Variants in IPP observed in about 807,000 individuals in gnomAD.
IPP encodes actin-binding protein IPP.
IPP carries 41 observed loss-of-function variants against 64.1 expected under a neutral mutation model. The observed-to-expected ratio is 0.64, with a 90% CI of 0.50 to 0.83. The LOEUF (loss-of-function observed/expected upper bound fraction) is 0.83. IPP is among the 40% of genes least tolerant of loss of function. The pLI, the probability that IPP is intolerant of heterozygous loss-of-function variation, is 0.00. For synonymous variants in IPP, 214 were observed against 235.2 expected, an observed-to-expected ratio of 0.91 and a Z score of 0.83; for missense variants, 649 against 703.0, an observed-to-expected ratio of 0.92 and a Z score of 0.87.
chr1:45,727,830 A>G, intron 4 of IPP, 32 bp from the exon 5 acceptor site: 1 of 1,467,624 alleles, frequency 6.8e-7, no homozygotes, highest in Non-Finnish European at 9.2e-7. Flanking sequence ...AGTAATGAAA[A>G]TCTACTGTTC....
At chr1:45,734,440 T>C (rs936280714) in intron 3 of IPP, among the ~76,000 whole-genome samples, 2 of 151,980 alleles carry the variant, frequency 1.3e-5, no homozygotes, top group Non-Finnish European at 2.9e-5. Flanking sequence ...TTTTCTTCCT[T>C]ATTTTTTTTT....
Position 45,711,193 on chromosome 1 carries a change from T to A in IPP, c.1530+3053A>T, listed in dbSNP as rs532848589. 4.7e-4 allele frequency among the ~76,000 whole-genome samples: 70 copies of A among 148,112 alleles called. No homozygotes were observed. In the East Asian group the frequency reaches 0.013, roughly 28 times the overall value. On this transcript the variant is annotated intron_variant, in intron 8 of 8. Coordinates refer to ENST00000396478, the MANE Select transcript of IPP (RefSeq NM_005897.3). Reference sequence around the variant, plus strand: ...ACTAAAATAGAAAAGAAAAAAAAAATTAGCCAGGCATGGTGGCGGGTGCTT... The same window carrying A: ...ACTAAAATAGAAAAGAAAAAAAAAAATAGCCAGGCATGGTGGCGGGTGCTT...
intron 4 of IPP, among the ~76,000 whole-genome samples, chr1:45,728,126 CTGTGTG>C (rs371114917): frequency 0.033 from 4,354 of 132,232 alleles, 193 homozygotes; most frequent in African/African-American, 0.1. Flanking sequence ...GAGTTGAAAG[CTGTGTG>C]TGTGTGTGTG....
chr1:45,695,849 A>C (rs190308982), downstream of IPP, among the ~76,000 whole-genome samples: 1 of 152,218 alleles, frequency 6.6e-6, no homozygotes, highest in Admixed American at 6.5e-5. Flanking sequence ...TTGTATTTTT[A>C]GTAGAGACAG....
At chr1:45,749,301 TG>T (rs1013988055) in intron 1 of IPP, among the ~76,000 whole-genome samples, 3 of 152,108 alleles carry the variant, frequency 2.0e-5, no homozygotes, top group Non-Finnish European at 4.4e-5. Context: ...CCACTGTCAG[TG>T]GAGTAGGAAC....
intron 8 of IPP, among the ~76,000 whole-genome samples, chr1:45,711,874 A>G (rs1310817858): frequency 1.3e-5 from 2 of 152,216 alleles, no homozygotes; most frequent in African/African-American, 4.8e-5. Context: ...ATGGATCTTC[A>G]AAATATGTGA....
At chr1:45,723,710 T>C (rs1014830251) in intron 5 of IPP, among the ~76,000 whole-genome samples, 1 of 151,970 alleles carries the variant, frequency 6.6e-6, no homozygotes, top group Non-Finnish European at 1.5e-5. Context: ...AAAGTAAAGA[T>C]AAAAATCAAA....
At chr1:45,731,039 G>A (rs992315984) in intron 3 of IPP, among the ~76,000 whole-genome samples, 27 of 152,232 alleles carry the variant, frequency 1.8e-4, no homozygotes, top group Non-Finnish European at 2.9e-4. Flanking sequence ...CCAGATATAA[G>A]ATAAATAACA....
chr1:45,735,108 G>A (rs1411273539), intron 3 of IPP, among the ~76,000 whole-genome samples: 1 of 150,510 alleles, frequency 6.6e-6, no homozygotes, highest in Admixed American at 6.7e-5. Context: ...TTTTGAGATG[G>A]AGTCTTGCTT....
rs1256842110 is a variant in IPP, at chr1:45,746,329, T to C, written c.83A>G (p.Asn28Ser). Residue 28 changes from asparagine to serine, a missense_variant, in exon 2 of 9, where the codon AAT becomes AGT. Transcript: ENST00000396478. ...GAAATGCTGTCCATTTCTCATCTTA[T>C]TGATTTGGGCCAAGATGAGTTGGGC... ...KHAQLILAQINKMRNGQHFCD... is the reference protein window; with the variant it reads ...KHAQLILAQISKMRNGQHFCD... The C allele has an allele frequency of 4.3e-6, 7 of 1,613,944 alleles. No individual in the cohort carries two copies. The highest frequency in any genetic ancestry group is 3.3e-5 in the South Asian group (3 of 91,090).
rs77751965 is a variant in IPP, at chr1:45,698,759, C to T, written c.*1207G>A. On this transcript the variant is annotated 3_prime_UTR_variant, in exon 9 of 9. Coordinates refer to ENST00000396478, the MANE Select transcript of IPP (RefSeq NM_005897.3). Reference sequence around the variant, plus strand: ...TTTGAGACAGGTTCTCATGCTGTCACCCAGGCCGGTGTGCAGTGGCACAAT... The same window carrying T: ...TTTGAGACAGGTTCTCATGCTGTCATCCAGGCCGGTGTGCAGTGGCACAAT... 38 of 718,490 alleles carry T rather than the reference C, an allele frequency of 5.3e-5. No individual in the cohort carries two copies. In the African/African-American group the frequency reaches 6.9e-4, roughly 13 times the overall value. 44.5% of individuals were successfully genotyped at this position (718,490 alleles called of 1,614,324 possible).
chr1:45,711,072 C>T (rs1480986995), intron 8 of IPP, among the ~76,000 whole-genome samples: 1 of 148,260 alleles, frequency 6.7e-6, no homozygotes, highest in Admixed American at 6.7e-5. Flanking sequence ...CAGTGGCTCA[C>T]GCCTATAATC....
intron 1 of IPP, among the ~76,000 whole-genome samples, chr1:45,747,136 C>CT (rs1162359403): frequency 1.3e-5 from 2 of 151,934 alleles, no homozygotes; most frequent in African/African-American, 4.8e-5. Flanking sequence ...GCGCGCGCTT[C>CT]AGAGCTCCTT....
Position 45,733,165 on chromosome 1 carries a change from G to A in IPP, c.725-3396C>T, listed in dbSNP as rs188670039. On this transcript the variant is annotated intron_variant, in intron 3 of 8. Transcript: ENST00000396478. ...GTCATGGCCAGGTGCAGCGGCTCAC[G>A]CCTGTAATCCCAGCACTTTGGGAGG... Among the ~76,000 whole-genome samples the A allele has an allele frequency of 8.8e-4, 133 of 151,704 alleles. No individual in the cohort carries two copies. In the East Asian group the frequency reaches 0.015, roughly 17 times the overall value.
chr1:45,737,853 T>C (rs1490135127), intron 3 of IPP, among the ~76,000 whole-genome samples: 1 of 152,132 alleles, frequency 6.6e-6, no homozygotes, highest in African/African-American at 2.4e-5. Context: ...TTTCATCTTA[T>C]CACATAGGTA....
intron 8 of IPP, among the ~76,000 whole-genome samples, chr1:45,713,390 G>A (rs934027663): frequency 1.6e-4 from 24 of 151,944 alleles, no homozygotes; most frequent in African/African-American, 1.2e-4. Context: ...GAGAAACCCC[G>A]TCTCCACTAA....
chr1:45,741,623 C>CTTTTTT (rs57797396), intron 2 of IPP, among the ~76,000 whole-genome samples: 38 of 96,124 alleles, frequency 4.0e-4, no homozygotes, highest in Non-Finnish European at 5.5e-4. Context: ...TTCTTATTTT[C>CTTTTTT]TTTTTTTTTT....
intron 5 of IPP, among the ~76,000 whole-genome samples, chr1:45,720,264 A>C (rs1462254429): frequency 1.3e-5 from 2 of 152,156 alleles, no homozygotes; most frequent in Non-Finnish European, 2.9e-5. Flanking sequence ...AAAATAAGAT[A>C]TTTAGGAGTA....
chr1:45,736,215 C>T (rs906203540), intron 3 of IPP, among the ~76,000 whole-genome samples: 1 of 152,038 alleles, frequency 6.6e-6, no homozygotes, highest in Admixed American at 6.6e-5. Context: ...GCCTTGGCCT[C>T]CCAAAGTGTT....
Sources: gnomAD v4.1 joint callset for allele counts (sites outside exome capture counted in the v4.1 genomes callset) on GRCh38, gnomAD v4.1.1 for gene constraint, MANE v1.5 for transcripts, NCBI Gene and HGNC (gene_info 2026-07-23, HGNC 2026-07-21) for gene names.